ZBTB25: variants seen among roughly 807,000 people sequenced by gnomAD.
ZBTB25 encodes the protein zinc finger and BTB domain-containing protein 25.
ZBTB25 carries 20 observed loss-of-function variants against 34.2 expected under a neutral mutation model. That is an observed-to-expected ratio of 0.58 (90% CI 0.41 to 0.85). The LOEUF (loss-of-function observed/expected upper bound fraction) is 0.85, where lower values mean the gene tolerates loss of function less well. Ranked by LOEUF, ZBTB25 falls within the 40% of genes least tolerant of loss-of-function variation. The pLI is 0.00. For synonymous variants in ZBTB25, 175 were observed against 186.4 expected, an observed-to-expected ratio of 0.94 and a Z score of 0.50; for missense variants, 437 against 521.8, an observed-to-expected ratio of 0.84 and a Z score of 1.58.
chr14:64,461,052 CT>C (rs2078548999), intron 2 of ZBTB25: 1 of 151,894 alleles, frequency 6.6e-6, no homozygotes, highest in African/African-American at 2.4e-5. Context: ...ATTTTTCCTT[CT>C]CTTCTTGTTC....
intron 2 of ZBTB25, chr14:64,465,465 C>G (rs1374113454): frequency 6.6e-6 from 1 of 151,462 alleles, no homozygotes; most frequent in Non-Finnish European, 1.5e-5. Flanking sequence ...TGTCCCCGCG[C>G]GGTGGGGAGG....
chr14:64,456,671 T>C (rs957642395), intron 2 of ZBTB25, among the ~76,000 whole-genome samples: 52 of 152,204 alleles, frequency 3.4e-4, no homozygotes, highest in Admixed American at 6.5e-4. Context: ...GGACCCATCC[T>C]TTCCTCTCTC....
chr14:64,504,472 A>AGGT (rs1199504687), upstream of ZBTB25: 1 of 155,862 alleles, frequency 6.4e-6, no homozygotes, highest in Admixed American at 6.5e-5. Context: ...GAGGAGGAGG[A>AGGT]GGTCCCAAGC....
downstream of ZBTB25, among the ~76,000 whole-genome samples, chr14:64,476,629 G>C (rs756237284): frequency 6.6e-6 from 1 of 152,106 alleles, no homozygotes; most frequent in Non-Finnish European, 1.5e-5. Flanking sequence ...CTCAAAACTA[G>C]AGTATTTCTA....
chr14:64,485,496 A>C lies in ZBTB25; in HGVS notation c.*1427T>G. On this transcript the variant is annotated 3_prime_UTR_variant, in exon 3 of 3. Transcript: ENST00000608382. ...TTTCCCAGGTATATAGAGCCGGGGA[A>C]TCTGTTATTTCTTTCATCAACTTTA... The C allele has an allele frequency of 2.0e-6, 2 of 985,276 alleles. No individual in the cohort carries two copies. Among genetic ancestry groups the C allele is most frequent in the East Asian group, 1.1e-4 (1 of 8,832 alleles). 61.0% of individuals were successfully genotyped at this position (985,276 alleles called of 1,614,324 possible).
chr14:64,504,283 G>T, upstream of ZBTB25, among the ~76,000 whole-genome samples: 1 of 152,086 alleles, frequency 6.6e-6, no homozygotes, highest in East Asian at 2.0e-4. Flanking sequence ...GGGACTGGGC[G>T]ACCCTGAACC....
At chr14:64,459,959 G>A (rs896368478) in intron 2 of ZBTB25, 4 of 1,512,886 alleles carry the variant, frequency 2.6e-6, no homozygotes, top group Non-Finnish European at 3.5e-6. Context: ...ATGCATGTCT[G>A]TTTACTTTAG....
chr14:64,471,951 A>ATATTAT, intron 2 of ZBTB25: 1 of 166,512 alleles, frequency 6.0e-6, no homozygotes, highest in South Asian at 2.1e-4. Flanking sequence ...CAAATCATGG[A>ATATTAT]TATTATTAGC....
At chr14:64,464,264 C>A (rs986252753) in intron 2 of ZBTB25, among the ~76,000 whole-genome samples, 10 of 146,702 alleles carry the variant, frequency 6.8e-5, no homozygotes, top group Middle Eastern at 3.3e-3. Flanking sequence ...CTCTTGGACT[C>A]AAGCCATCCT....
At chr14:64,460,017 C>A in intron 2 of ZBTB25, 3 of 1,172,678 alleles carry the variant, frequency 2.6e-6, no homozygotes, top group African/African-American at 1.5e-5. Context: ...CTTGGTGTTG[C>A]AATATGAATT....
At chr14:64,451,394 A>G (rs1444446639) in intron 2 of ZBTB25, among the ~76,000 whole-genome samples, 1 of 152,212 alleles carries the variant, frequency 6.6e-6, no homozygotes, top group South Asian at 2.1e-4. Flanking sequence ...TAAACTTATT[A>G]CTCTTGAGTT....
chr14:64,466,050 C>G (rs1216382993), intron 2 of ZBTB25, among the ~76,000 whole-genome samples: 1 of 152,154 alleles, frequency 6.6e-6, no homozygotes, highest in Non-Finnish European at 1.5e-5. Flanking sequence ...ATTCCTTCCT[C>G]CAGGAGGAAG....
chr14:64,462,160 G>C (rs1237144975), intron 2 of ZBTB25: 4 of 152,350 alleles, frequency 2.6e-5, no homozygotes, highest in African/African-American at 9.7e-5. Context: ...TGTAGAGATG[G>C]GGTCTCACTG....
downstream of ZBTB25, among the ~76,000 whole-genome samples, chr14:64,475,300 G>A (rs987168777): frequency 3.3e-5 from 5 of 152,030 alleles, no homozygotes; most frequent in African/African-American, 4.8e-5. Context: ...TTAGCCAGGC[G>A]TGGTGGCGGG....
At chr14:64,503,424 A>G (rs1157045443) in intron 1 of ZBTB25, 1 of 985,436 alleles carries the variant, frequency 1.0e-6, no homozygotes, top group African/African-American at 1.7e-5. Flanking sequence ...AGGCCCCGGC[A>G]GCCGCTCCTA....
chr14:64,464,687 G>A (rs1352257471), intron 2 of ZBTB25, among the ~76,000 whole-genome samples: 3 of 152,154 alleles, frequency 2.0e-5, no homozygotes, highest in Non-Finnish European at 4.4e-5. Flanking sequence ...GATTGTGATG[G>A]ATCCTACTAG....
Position 64,483,145 on chromosome 14 carries a change from C to A in ZBTB25, c.*3778G>T, listed in dbSNP as rs1312409753. ...ATGTTTAGTATCTGCCTGATACACA[C>A]GAAAGTGCATATGACATTTCCAGTT... On this transcript the variant is annotated 3_prime_UTR_variant, in exon 3 of 3. Coordinates refer to ENST00000608382, the MANE Select transcript of ZBTB25 (RefSeq NM_006977.5). 6.6e-6 allele frequency: 1 copy of A among 152,152 alleles called. No homozygotes were observed. The highest frequency in any genetic ancestry group is 1.5e-5 in the Non-Finnish European group (1 of 68,018). The allele number at this position is 152,152 out of a possible 1,614,324, so 9.4% of individuals were successfully genotyped here.
chr14:64,486,289 G>A lies in ZBTB25; in HGVS notation c.*634C>T, dbSNP rs1429631958. ...TGCGCCCCAGCCTGGGCGACACAGA[G>A]AGACTCTGTCTCAAAAAAAAAAAGA... On this transcript the variant is annotated 3_prime_UTR_variant, in exon 3 of 3. Coordinates refer to ENST00000608382, the MANE Select transcript of ZBTB25 (RefSeq NM_006977.5). The A allele has an allele frequency of 1.0e-6, 1 of 981,518 alleles. No homozygotes were observed. Among genetic ancestry groups the A allele is most frequent in the African/African-American group, 1.8e-5 (1 of 57,030 alleles). 60.8% of individuals were successfully genotyped at this position (981,518 alleles called of 1,614,324 possible).
rs192582923 is a variant in ZBTB25 at position 64,486,550 on chromosome 14, G to C, written c.*373C>G. On this transcript the variant is annotated 3_prime_UTR_variant, in exon 3 of 3. Transcript: ENST00000608382. ...ATTCATGTGAAATGTAGGCAGAAGT[G>C]ATAGTTTAGAATATGCTTTAAAACA... 534 of 951,142 alleles carry C rather than the reference G, an allele frequency of 5.6e-4. 2 individuals carry two copies. The African/African-American group carries it at 8.0e-3, about 14-fold the overall frequency. 58.9% of individuals were successfully genotyped at this position (951,142 alleles called of 1,614,324 possible). A position where few individuals can be genotyped will look rare whatever the true frequency, so the allele number is the denominator to read the frequency against.
Sources: allele counts gnomAD v4.1 joint callset (sites outside exome capture counted in the v4.1 genomes callset), GRCh38; gene constraint gnomAD v4.1.1; transcripts MANE v1.5; gene names NCBI Gene and HGNC (gene_info 2026-07-23, HGNC 2026-07-21).